PTN: variants seen among roughly 807,000 people sequenced by gnomAD.
PTN encodes the protein heparin affin regulatory protein.
Under a neutral mutation model 24.1 loss-of-function variants are expected in PTN, and 18 were observed. The ratio of observed to expected loss-of-function variants is 0.75; its 90% CI spans 0.52 to 1.11. The LOEUF (loss-of-function observed/expected upper bound fraction) is 1.11, where lower values mean the gene tolerates loss of function less well. Among genes scored for constraint, PTN ranks in the 50% least tolerant of loss-of-function variants. The pLI, the probability that PTN is intolerant of heterozygous loss-of-function variation, is 0.00. For missense variants in PTN, 163 were observed against 198.8 expected (o/e 0.82, Z 1.08); for synonymous variants, 78 against 68.6 (o/e 1.14, Z -0.67).
rs541376410 is a variant in PTN, at chr7:137,322,178, GAATGAAAGCTC to G, written c.-2+21250_-2+21260del. Among the ~76,000 whole-genome samples, 162 of 152,140 alleles carry G rather than the reference GAATGAAAGCTC, an allele frequency of 1.1e-3. 2 individuals carry two copies. The Middle Eastern group carries it at 0.014, about 13-fold the overall frequency. On this transcript the variant is annotated intron_variant, in intron 1 of 4. Transcript: ENST00000348225. ...TACTTATTTGCTTTTCCTTAATTGA[GAATGAAAGCTC>G]AATGAAAGCAGGTACCTAATAGGTG...
At chr7:137,317,580 C>G (rs1562921450) in intron 1 of PTN, among the ~76,000 whole-genome samples, 1 of 152,150 alleles carries the variant, frequency 6.6e-6, no homozygotes, top group Non-Finnish European at 1.5e-5. Context: ...ATCCCAGAAA[C>G]TGTAAAATGT....
At chr7:137,246,399 C>T (rs533471903) in intron 4 of PTN, among the ~76,000 whole-genome samples, 6 of 152,248 alleles carry the variant, frequency 3.9e-5, no homozygotes, top group Admixed American at 6.6e-5. Context: ...GATGTTCACA[C>T]GAGAATGAAA....
At chr7:137,290,845 A>AT (rs200753563) in intron 1 of PTN, among the ~76,000 whole-genome samples, 2 of 151,862 alleles carry the variant, frequency 1.3e-5, no homozygotes, top group Non-Finnish European at 2.9e-5. Flanking sequence ...TTCTCTTCCA[A>AT]TTAAAAAAAA....
intron 1 of PTN, among the ~76,000 whole-genome samples, chr7:137,262,734 G>A (rs1470671458): frequency 2.0e-5 from 3 of 152,174 alleles, no homozygotes; most frequent in South Asian, 2.1e-4. Context: ...TGTGAGCACC[G>A]ATGGACAGAG....
At chr7:137,275,171 C>T (rs1250322739) in intron 1 of PTN, among the ~76,000 whole-genome samples, 1 of 152,142 alleles carries the variant, frequency 6.6e-6, no homozygotes, top group Non-Finnish European at 1.5e-5. Context: ...GGCAGCTTTG[C>T]ACAGAGGGTG....
At chr7:137,256,453 G>C (rs536694524) in intron 1 of PTN, among the ~76,000 whole-genome samples, 1 of 152,268 alleles carries the variant, frequency 6.6e-6, no homozygotes, top group South Asian at 2.1e-4. Flanking sequence ...TGCTGTGGAT[G>C]ATGGCCTCCA....
At chr7:137,291,346 C>T (rs1305983381) in intron 1 of PTN, among the ~76,000 whole-genome samples, 1 of 152,038 alleles carries the variant, frequency 6.6e-6, no homozygotes, top group African/African-American at 2.4e-5. Context: ...GGCACTAAAG[C>T]CATTTTCATT....
intron 1 of PTN, among the ~76,000 whole-genome samples, chr7:137,340,910 T>C (rs1456794776): frequency 6.6e-6 from 1 of 152,216 alleles, no homozygotes; most frequent in Non-Finnish European, 1.5e-5. Flanking sequence ...CAACTCCCCA[T>C]ATCATTATGC....
At chr7:137,333,330 G>A (rs1282609076) in intron 1 of PTN, among the ~76,000 whole-genome samples, 1 of 152,114 alleles carries the variant, frequency 6.6e-6, no homozygotes, top group African/African-American at 2.4e-5. Context: ...ACAGAACCCA[G>A]CCTCAGGTAT....
intron 1 of PTN, among the ~76,000 whole-genome samples, chr7:137,272,687 T>C (rs183030925): frequency 2.0e-5 from 3 of 152,348 alleles, no homozygotes; most frequent in East Asian, 1.9e-4. Flanking sequence ...ATGCTAGCAA[T>C]TGACTTTCTT....
chr7:137,244,025 T>A (rs569647024), intron 4 of PTN, among the ~76,000 whole-genome samples: 1 of 152,172 alleles, frequency 6.6e-6, no homozygotes, highest in African/African-American at 2.4e-5. Context: ...CGAGCTAGAG[T>A]AGATCTCGCT....
chr7:137,241,673 G>A (rs974718225), intron 4 of PTN, among the ~76,000 whole-genome samples: 1 of 152,150 alleles, frequency 6.6e-6, no homozygotes, highest in Non-Finnish European at 1.5e-5. Flanking sequence ...GATAGAGTTA[G>A]ATCTCCCCAC....
At chr7:137,242,242 A>G (rs553810359) in intron 4 of PTN, among the ~76,000 whole-genome samples, 37 of 152,300 alleles carry the variant, frequency 2.4e-4, no homozygotes, top group African/African-American at 7.5e-4. Context: ...TTGATCTTTA[A>G]AGATGAATTG....
At chr7:137,256,888 C>T (rs1808936836) in intron 1 of PTN, among the ~76,000 whole-genome samples, 1 of 152,094 alleles carries the variant, frequency 6.6e-6, no homozygotes, top group Non-Finnish European at 1.5e-5. Flanking sequence ...GACATTTCTG[C>T]AGCCAACAAA....
intron 4 of PTN, among the ~76,000 whole-genome samples, chr7:137,243,275 T>G (rs1808664236): frequency 6.6e-6 from 1 of 152,186 alleles, no homozygotes; most frequent in Admixed American, 6.5e-5. Flanking sequence ...AGAGACAGAC[T>G]CTGTTTTCCA....
chr7:137,315,550 G>C (rs1025325340), intron 1 of PTN, among the ~76,000 whole-genome samples: 1 of 152,178 alleles, frequency 6.6e-6, no homozygotes, highest in African/African-American at 2.4e-5. Context: ...TCTCTCGTGG[G>C]CAAGTTGGGA....
chr7:137,287,043 A>C (rs1809566907), intron 1 of PTN, among the ~76,000 whole-genome samples: 3 of 152,196 alleles, frequency 2.0e-5, no homozygotes, highest in African/African-American at 7.2e-5. Context: ...TTGAGTCCTA[A>C]TTATTCTATT....
In PTN at chr7:137,331,948, T is replaced by C. The variant is rs565875495; in HGVS notation, c.-2+11491A>G. On this transcript the variant is annotated intron_variant, in intron 1 of 4. Transcript: ENST00000348225. ...TTATTTGTTTGTTTGCTTTATGAGA[T>C]GTTTGTTTGCTTGCATTTTCCCAGT... Among the ~76,000 whole-genome samples the C allele has an allele frequency of 3.9e-5, 6 of 152,338 alleles. No individual in the cohort carries two copies. In the East Asian group the frequency reaches 7.7e-4, roughly 20 times the overall value.
intron 1 of PTN, among the ~76,000 whole-genome samples, chr7:137,316,986 G>C (rs1348222298): frequency 2.6e-5 from 4 of 152,152 alleles, no homozygotes; most frequent in Non-Finnish European, 4.4e-5. Context: ...CCCAAGCCCG[G>C]CCTCTCCATT....
Sources: allele counts gnomAD v4.1 joint callset (sites outside exome capture counted in the v4.1 genomes callset), GRCh38; gene constraint gnomAD v4.1.1; transcripts MANE v1.5; gene names NCBI Gene and HGNC (gene_info 2026-07-23, HGNC 2026-07-21).